The following MYOF variants were observed in gnomAD, a reference collection of about 807,000 sequenced individuals.
MYOF encodes the protein fer-1-like 3, myoferlin.
MYOF carries 244 observed loss-of-function variants against 284.2 expected under a neutral mutation model. The ratio of observed to expected loss-of-function variants is 0.86; its 90% CI spans 0.77 to 0.95. MYOF has a LOEUF of 0.95. MYOF is among the 40% of genes least tolerant of loss of function. The pLI, the probability that MYOF is intolerant of heterozygous loss-of-function variation, is 0.00. For synonymous variants in MYOF, 904 were observed against 919.7 expected, an observed-to-expected ratio of 0.98 and a Z score of 0.31; for missense variants, 2,496 against 2,560.6, an observed-to-expected ratio of 0.97 and a Z score of 0.54.
chr10:93,316,010 A>C (rs1288667128), intron 50 of MYOF, among the ~76,000 whole-genome samples: 1 of 151,658 alleles, frequency 6.6e-6, no homozygotes, highest in Non-Finnish European at 1.5e-5. Flanking sequence ...CTGTAGTCCC[A>C]GCTACTCGGG....
chr10:93,340,024 G>A (rs1415286713), intron 39 of MYOF, 129 bp downstream of exon 39: 1 of 972,812 alleles, frequency 1.0e-6, no homozygotes, highest in Non-Finnish European at 1.5e-6. Flanking sequence ...AGCCTGCAGT[G>A]AGCCAAGATC....
At chr10:93,432,144 T>C (rs920811114) in intron 3 of MYOF, among the ~76,000 whole-genome samples, 1 of 151,996 alleles carries the variant, frequency 6.6e-6, no homozygotes, top group African/African-American at 2.4e-5. Flanking sequence ...TCCCAGCACT[T>C]TGGGAGGCTG....
In MYOF at chr10:93,306,573, G is replaced by GTTGA. The variant is rs1842106059; in HGVS notation, c.*386_*389dup. 1.1e-5 allele frequency: 2 copies of GTTGA among 189,438 alleles called. No individual in the cohort carries two copies. Among genetic ancestry groups the GTTGA allele is most frequent in the African/African-American group, 4.7e-5 (2 of 42,258 alleles). 11.7% of individuals were successfully genotyped at this position (189,438 alleles called of 1,614,324 possible). A position where few individuals can be genotyped will look rare whatever the true frequency, so the allele number is the denominator to read the frequency against. On this transcript the variant is annotated 3_prime_UTR_variant, in exon 54 of 54. Transcript: ENST00000359263. ...GATTTTATAATGCACAGCTCTTTCAGTTGATTACAAATATGAAGTATATCA... is the reference window on the plus strand; with the variant it reads ...GATTTTATAATGCACAGCTCTTTCAGTTGATTGATTACAAATATGAAGTATATCA...
At chr10:93,409,780 T>C (rs982278724) in intron 5 of MYOF, 41 bp from the exon 6 acceptor site, 3 of 1,603,772 alleles carry the variant, frequency 1.9e-6, no homozygotes, top group African/African-American at 2.7e-5. Flanking sequence ...ATAGCCCTTA[T>C]CCTGTAAATG....
intron 43 of MYOF, among the ~76,000 whole-genome samples, chr10:93,331,548 C>A (rs530568898): frequency 1.3e-5 from 2 of 152,142 alleles, no homozygotes; most frequent in African/African-American, 4.8e-5. Context: ...GTCTCCCTCA[C>A]GGGAGCCCTC....
At chr10:93,308,945 C>T (rs928179007) in intron 53 of MYOF, among the ~76,000 whole-genome samples, 1 of 152,178 alleles carries the variant, frequency 6.6e-6, no homozygotes, top group Non-Finnish European at 1.5e-5. Context: ...CTCCTGACCT[C>T]AAGTGATTCA....
chr10:93,364,262 A>G (rs533483674), intron 26 of MYOF, among the ~76,000 whole-genome samples, 187 bp from the exon 27 acceptor site: 1 of 152,344 alleles, frequency 6.6e-6, no homozygotes, highest in East Asian at 1.9e-4. Context: ...TTGAAGAAAG[A>G]GCCTGCTGGA....
At chr10:93,348,926 A>G (rs1043413367) in intron 36 of MYOF, among the ~76,000 whole-genome samples, 2 of 152,138 alleles carry the variant, frequency 1.3e-5, no homozygotes, top group Non-Finnish European at 2.9e-5. Context: ...GCCTAACACT[A>G]TGACACTGGA....
At chr10:93,380,781 AG>A (rs1236679166) in intron 20 of MYOF, among the ~76,000 whole-genome samples, 1 of 152,248 alleles carries the variant, frequency 6.6e-6, no homozygotes, top group Non-Finnish European at 1.5e-5. Context: ...GACACGGTTA[AG>A]GTCACAAGCT....
At chr10:93,436,368 C>T (rs1242905459) in intron 3 of MYOF, among the ~76,000 whole-genome samples, 3 of 152,140 alleles carry the variant, frequency 2.0e-5, no homozygotes, top group African/African-American at 7.2e-5. Flanking sequence ...ACCTCAATTT[C>T]TTCTTTTAGA....
chr10:93,430,811 C>A (rs701873), intron 4 of MYOF, among the ~76,000 whole-genome samples: 1 of 151,774 alleles, frequency 6.6e-6, no homozygotes, highest in Non-Finnish European at 1.5e-5. Flanking sequence ...TTTGCTAGTT[C>A]TGTGATTGAA....
chr10:93,385,740 T>G (rs1470456997), intron 19 of MYOF, among the ~76,000 whole-genome samples: 2 of 152,144 alleles, frequency 1.3e-5, no homozygotes, highest in African/African-American at 4.8e-5. Flanking sequence ...TTTTGCTGTC[T>G]GTGTTTAATT....
intron 21 of MYOF, among the ~76,000 whole-genome samples, chr10:93,379,479 C>A (rs1846012302): frequency 6.6e-6 from 1 of 152,108 alleles, no homozygotes; most frequent in African/African-American, 2.4e-5. Flanking sequence ...TGGATTCTGG[C>A]CAGTGGAAAG....
chr10:93,347,570 A>ATAAAAAAT (rs1554842551), intron 37 of MYOF, 47 bp downstream of exon 37: 1 of 1,461,342 alleles, frequency 6.8e-7, no homozygotes, highest in South Asian at 1.5e-5. Flanking sequence ...AAAAAAAAAA[A>ATAAAAAAT]AAAAAAAAGA....
chr10:93,377,976 T>C (rs1478241545), intron 21 of MYOF, among the ~76,000 whole-genome samples: 1 of 152,208 alleles, frequency 6.6e-6, no homozygotes, highest in South Asian at 2.1e-4. Flanking sequence ...TAGACATACA[T>C]GTGTCTGTGC....
chr10:93,323,235 G>GTGTA (rs779807534), intron 47 of MYOF, 35 bp downstream of exon 47: 16 of 1,613,390 alleles, frequency 9.9e-6, no homozygotes, highest in African/African-American at 1.3e-5. Context: ...CCCCAGCCCA[G>GTGTA]TGTATGTATC....
At chr10:93,449,495 A>G (rs2056531403) in intron 3 of MYOF, among the ~76,000 whole-genome samples, 1 of 152,142 alleles carries the variant, frequency 6.6e-6, no homozygotes, top group Non-Finnish European at 1.5e-5. Context: ...CCCTTCCCCA[A>G]AACTTTGAAA....
At chr10:93,400,074 A>C (rs1042816747) in intron 12 of MYOF, among the ~76,000 whole-genome samples, 3 of 151,292 alleles carry the variant, frequency 2.0e-5, no homozygotes, top group African/African-American at 7.4e-5. Context: ...TTTATGGAGG[A>C]AAAAAAATAC....
intron 49 of MYOF, among the ~76,000 whole-genome samples, chr10:93,317,549 A>T (rs925191200): frequency 1.3e-5 from 2 of 152,168 alleles, no homozygotes; most frequent in Non-Finnish European, 2.9e-5. Flanking sequence ...AGGCACGAGA[A>T]TCACTCAAAC....
Sources: allele counts gnomAD v4.1 joint callset (sites outside exome capture counted in the v4.1 genomes callset), GRCh38; gene constraint gnomAD v4.1.1; transcripts MANE v1.5; gene names NCBI Gene and HGNC (gene_info 2026-07-23, HGNC 2026-07-21).